KLHL28: variants seen among roughly 807,000 people sequenced by gnomAD.
The protein encoded by KLHL28 is kelch like family member 28.
KLHL28 carries 22 observed loss-of-function variants against 48.3 expected under a neutral mutation model. The ratio of observed to expected loss-of-function variants is 0.46; its 90% CI spans 0.33 to 0.65. The LOEUF is 0.65. Among genes scored for constraint, KLHL28 ranks in the 30% least tolerant of loss-of-function variants. The pLI, the probability that KLHL28 is intolerant of heterozygous loss-of-function variation, is 0.03. For missense variants in KLHL28, 527 were observed against 704.3 expected, an observed-to-expected ratio of 0.75 and a Z score of 2.85; for synonymous variants, 243 against 242.4, an observed-to-expected ratio of 1.00 and a Z score of -0.02.
At chr14:44,959,280 TAGA>T (rs1555339810) in intron 1 of KLHL28, 8 of 152,142 alleles carry the variant, frequency 5.3e-5, no homozygotes, top group Non-Finnish European at 1.2e-4. Context: ...AGTCCAAATG[TAGA>T]AGATGTAACC....
rs1419390521 is a variant in KLHL28 at position 44,924,429 on chromosome 14, AAAG to A, written c.*4596_*4598del. ...ACACACAAATAACCTTTAAAATAAA[AAAG>A]AATACAATTCTTAACTAGTTAAATG... On this transcript the variant is annotated 3_prime_UTR_variant, in exon 5 of 5. Transcript: ENST00000396128. 1 of 152,652 alleles carries A rather than the reference AAAG, an allele frequency of 6.6e-6. No homozygotes were observed. The highest frequency in any genetic ancestry group is 2.4e-5 in the African/African-American group (1 of 41,478). The allele number at this position is 152,652 out of a possible 1,614,324, so 9.5% of individuals were successfully genotyped here. A position where few individuals can be genotyped will look rare whatever the true frequency, so the allele number is the denominator to read the frequency against.
chr14:44,938,497 G>C (rs1458988377), intron 2 of KLHL28, among the ~76,000 whole-genome samples: 2 of 151,760 alleles, frequency 1.3e-5, no homozygotes, highest in Non-Finnish European at 2.9e-5. Context: ...TCAGCCTCCC[G>C]AGTAGCTGGG....
chr14:44,946,119 C>T (rs1884326464), intron 1 of KLHL28, among the ~76,000 whole-genome samples, 191 bp from the exon 2 acceptor site: 1 of 152,086 alleles, frequency 6.6e-6, no homozygotes, highest in Admixed American at 6.5e-5. Context: ...CATCATTCAA[C>T]TTATTTATTA....
At chr14:44,939,989 T>G (rs952073709) in intron 2 of KLHL28, among the ~76,000 whole-genome samples, 4 of 152,208 alleles carry the variant, frequency 2.6e-5, no homozygotes, top group African/African-American at 9.6e-5. Flanking sequence ...ACTGGGTAAT[T>G]TATAAAGAAC....
chr14:44,950,760 C>A (rs1437411315), intron 1 of KLHL28, among the ~76,000 whole-genome samples: 2 of 152,116 alleles, frequency 1.3e-5, no homozygotes, highest in Non-Finnish European at 2.9e-5. Flanking sequence ...TTTCTATGTG[C>A]TGGTACATAA....
At chr14:44,934,692 G>T in intron 2 of KLHL28, 134 bp from the exon 3 acceptor site, 1 of 619,868 alleles carries the variant, frequency 1.6e-6, no homozygotes, top group South Asian at 3.0e-5. Flanking sequence ...TTCCAAAGTG[G>T]CAAAAAATAT....
At chr14:44,942,426 C>CTGA (rs1407734932) in intron 2 of KLHL28, among the ~76,000 whole-genome samples, 1 of 152,152 alleles carries the variant, frequency 6.6e-6, no homozygotes, top group Non-Finnish European at 1.5e-5. Context: ...TTTAATCAAT[C>CTGA]TGATATTAAT....
chr14:44,931,431 C>G lies in KLHL28; in HGVS notation c.1454G>C (p.Gly485Ala). ...GVMLGFIFVV[G>A]GHNGVSHLSS... ...CAAATGTGAGACTCCATTATGTCCACCCACCACAAAAATAAAGCCTAGCAT... is the reference window on the plus strand; with the variant it reads ...CAAATGTGAGACTCCATTATGTCCAGCCACCACAAAAATAAAGCCTAGCAT... The change falls in exon 4 of 5, where the codon GGT (glycine) becomes GCT (alanine). Residue 485 changes from glycine to alanine, a missense_variant. Coordinates refer to ENST00000396128, the MANE Select transcript of KLHL28 (RefSeq NM_017658.5). The G allele has an allele frequency of 1.2e-6, 2 of 1,613,842 alleles. No homozygotes were observed. Among genetic ancestry groups the G allele is most frequent in the South Asian group, 2.2e-5 (2 of 91,078 alleles).
chr14:44,935,890 G>GTATATATATATATATATA (rs139707349), intron 2 of KLHL28, among the ~76,000 whole-genome samples: 1,160 of 59,122 alleles, frequency 0.02, 205 homozygotes, highest in Middle Eastern at 0.078. Flanking sequence ...ATATATGTGT[G>GTATATATATATATATATA]TATATATATA....
intron 1 of KLHL28, chr14:44,959,537 C>A (rs1884942702): frequency 6.6e-6 from 1 of 152,040 alleles, no homozygotes; most frequent in Non-Finnish European, 1.5e-5. Flanking sequence ...AGTAAGAACA[C>A]AGAAAAATCA....
chr14:44,948,217 G>A (rs1409929923), intron 1 of KLHL28, among the ~76,000 whole-genome samples: 1 of 152,148 alleles, frequency 6.6e-6, no homozygotes, highest in Non-Finnish European at 1.5e-5. Flanking sequence ...TGCAGAATGA[G>A]ATCATAATAA....
Position 44,924,615 on chromosome 14 carries a change from C to G in KLHL28, c.*4413G>C, listed in dbSNP as rs1883319833. ...TACAAATATTAGTACTCTACAGCTA[C>G]AAAATTTCAGAATCCTGTTAAAATC... On this transcript the variant is annotated 3_prime_UTR_variant, in exon 5 of 5. Coordinates refer to ENST00000396128, the MANE Select transcript of KLHL28 (RefSeq NM_017658.5). 6.5e-6 allele frequency: 1 copy of G among 152,684 alleles called. No homozygotes were observed. The highest frequency in any genetic ancestry group is 1.5e-5 in the Non-Finnish European group (1 of 68,002). 9.5% of individuals were successfully genotyped at this position (152,684 alleles called of 1,614,324 possible).
In KLHL28 at chr14:44,945,079, C is replaced by T; in HGVS notation, c.850G>A (p.Val284Ile). Reference protein sequence around the residue: ...LMTRPRCAPKVLCAVGGKSGL... With the variant: ...LMTRPRCAPKILCAVGGKSGL... ...GATTTCCCTCCTACTGCACAAAGTA[C>T]TTTGGGAGCACAGCGAGGTCGTGTC... The change falls in exon 2 of 5, where the codon GTA becomes ATA. Residue 284 changes from valine (V) to isoleucine (I), a missense_variant. Coordinates refer to ENST00000396128, the MANE Select transcript of KLHL28 (RefSeq NM_017658.5). 6.2e-7 allele frequency: 1 copy of T among 1,613,820 alleles called. No individual in the cohort carries two copies. The highest frequency in any genetic ancestry group is 8.5e-7 in the Non-Finnish European group (1 of 1,179,746).
Position 44,961,866 on chromosome 14 carries a change from G to C in KLHL28, c.-21C>G, listed in dbSNP as rs999071366. The C allele has an allele frequency of 3.9e-5, 6 of 152,712 alleles. No individual in the cohort carries two copies. The highest frequency in any genetic ancestry group is 1.4e-4 in the African/African-American group (6 of 41,452). 9.5% of individuals were successfully genotyped at this position (152,712 alleles called of 1,614,324 possible). A position where few individuals can be genotyped will look rare whatever the true frequency, so the allele number is the denominator to read the frequency against. On this transcript the variant is annotated 5_prime_UTR_variant, in exon 1 of 5. Transcript: ENST00000396128. The stretch of plus-strand genomic sequence containing the variant: ...AATACCTGAGTCTCAGTAATCACAC[G>C]GGCAGCGACAGGAGGAGGAACCGCG...
intron 2 of KLHL28, among the ~76,000 whole-genome samples, chr14:44,935,919 G>A (rs569830076): frequency 1.0e-3 from 25 of 25,020 alleles, no homozygotes; most frequent in East Asian, 3.3e-3. Context: ...CCCTCCCCCC[G>A]CAAAGTTGGG....
At position 44,929,659 on chromosome 14, in the gene KLHL28, G is replaced by A. The variant is rs75664376; in HGVS notation, c.1553-468C>T. Reference sequence around the variant, plus strand: ...TCCTGTGGGTATGGGGGGCCTACTGGAGCAATATGAGCTTGATGGAAAAAC... The same window carrying A: ...TCCTGTGGGTATGGGGGGCCTACTGAAGCAATATGAGCTTGATGGAAAAAC... On this transcript the variant is annotated intron_variant, in intron 4 of 4. Transcript: ENST00000396128. 2.2e-3 allele frequency among the ~76,000 whole-genome samples: 328 copies of A among 152,250 alleles called. 3 individuals carry two copies. The highest frequency in any genetic ancestry group is 7.2e-3 in the African/African-American group (298 of 41,536).
intron 1 of KLHL28, among the ~76,000 whole-genome samples, chr14:44,959,018 T>C (rs1466944582): frequency 1.3e-5 from 2 of 151,322 alleles, no homozygotes; most frequent in Admixed American, 6.6e-5. Flanking sequence ...ATATTTTGAA[T>C]AGAAATCCAA....
rs1883744165 is a variant in KLHL28 at position 44,934,906 on chromosome 14, A to G, written c.900-348T>C. Among the ~76,000 whole-genome samples, 3 of 152,222 alleles carry G rather than the reference A, an allele frequency of 2.0e-5. No individual in the cohort carries two copies. In the South Asian group the frequency reaches 6.2e-4, roughly 31 times the overall value. On this transcript the variant is annotated intron_variant, in intron 2 of 4. Coordinates refer to ENST00000396128, the MANE Select transcript of KLHL28 (RefSeq NM_017658.5). ...ATTATAATTTTGCATCTAGATAAAT[A>G]TACACAAATGTTCACAGAAGCACAA...
chr14:44,924,709 T>C lies in KLHL28; in HGVS notation c.*4319A>G, dbSNP rs1379785331. 6.6e-6 allele frequency: 1 copy of C among 152,646 alleles called. No individual in the cohort carries two copies. Among genetic ancestry groups the C allele is most frequent in the East Asian group, 1.9e-4 (1 of 5,200 alleles). 9.5% of individuals were successfully genotyped at this position (152,646 alleles called of 1,614,324 possible). ...AAAAATATAGGCATTATCATCCAGTTCTTTAACTTCACTTGTATTTTAAGG... is the reference window on the plus strand; with the variant it reads ...AAAAATATAGGCATTATCATCCAGTCCTTTAACTTCACTTGTATTTTAAGG... On this transcript the variant is annotated 3_prime_UTR_variant, in exon 5 of 5. Coordinates refer to ENST00000396128, the MANE Select transcript of KLHL28 (RefSeq NM_017658.5).
Sources: gnomAD v4.1 joint callset for allele counts (sites outside exome capture counted in the v4.1 genomes callset) on GRCh38, gnomAD v4.1.1 for gene constraint, MANE v1.5 for transcripts, NCBI Gene and HGNC (gene_info 2026-07-23, HGNC 2026-07-21) for gene names.